Variants in NMNAT3 observed in about 807,000 individuals in gnomAD.
The protein encoded by NMNAT3 is nicotinamide nucleotide adenylyltransferase 3, also known as nicotinamide/nicotinic acid mononucleotide adenylyltransferase 3.
NMNAT3 carries 21 observed loss-of-function variants against 24.8 expected under a neutral mutation model. That is an observed-to-expected ratio of 0.85 (90% CI 0.60 to 1.22). The LOEUF (loss-of-function observed/expected upper bound fraction) is 1.22, where lower values mean the gene tolerates loss of function less well. Among genes scored for constraint, NMNAT3 ranks in the 50% most tolerant of loss-of-function variants. The pLI is 0.00. For synonymous variants in NMNAT3, 136 were observed against 155.2 expected (o/e 0.88, Z 0.92); for missense variants, 387 against 436.6 (o/e 0.89, Z 1.01).
At chr3:139,615,496 TACCCACCCACCG>T (rs771883075) in intron 3 of NMNAT3, among the ~76,000 whole-genome samples, 37 of 148,860 alleles carry the variant, frequency 2.5e-4, no homozygotes, top group Non-Finnish European at 6.0e-5. Context: ...TTTATCCATC[TACCCACCCACCG>T]ACCCACCCAC....
intron 3 of NMNAT3, among the ~76,000 whole-genome samples, chr3:139,601,212 C>T (rs1028210433): frequency 7.2e-5 from 11 of 152,178 alleles, no homozygotes; most frequent in Admixed American, 5.9e-4. Context: ...CCTCTATTAA[C>T]AAATAACTGA....
chr3:139,595,717 TCC>T (rs888840609), intron 3 of NMNAT3, among the ~76,000 whole-genome samples: 5 of 152,074 alleles, frequency 3.3e-5, no homozygotes, highest in Non-Finnish European at 5.9e-5. Flanking sequence ...GGGAAAGGAT[TCC>T]CTATTTAATA....
At chr3:139,576,260 A>AT in intron 5 of NMNAT3, 1 of 982,924 alleles carries the variant, frequency 1.0e-6, no homozygotes, top group Non-Finnish European at 1.2e-6. Context: ...GATTTTGATA[A>AT]TTTTCGGAAA....
chr3:139,623,249 C>T (rs1272038399), intron 3 of NMNAT3, among the ~76,000 whole-genome samples: 1 of 152,030 alleles, frequency 6.6e-6, no homozygotes, highest in East Asian at 1.9e-4. Context: ...AATTAAGATA[C>T]AAACACACAG....
At chr3:139,632,194 G>A (rs1280144394) in intron 2 of NMNAT3, among the ~76,000 whole-genome samples, 2 of 152,096 alleles carry the variant, frequency 1.3e-5, no homozygotes, top group Non-Finnish European at 2.9e-5. Context: ...TTTGTCAGAT[G>A]TCTACCTCCT....
At position 139,583,012 on chromosome 3, in the gene NMNAT3, G is replaced by C; in HGVS notation, c.306C>G (p.Cys102Trp). Residue 102 changes from cysteine to tryptophan, a missense_variant, in exon 4 of 7, where the codon TGC becomes TGG. Cys to Trp is a radical substitution (Grantham distance 215, BLOSUM62 -2). This residue lies in a region of NMNAT3 where 323 missense variants were observed against 345.2 expected (regional missense o/e 0.94). Transcript: ENST00000643695. ...TAATTTTTTTCAGTGTTGTGCCTTT[G>C]CACTTGCTGTCATTCAAATCACAGA... 2.5e-6 allele frequency: 4 copies of C among 1,605,442 alleles called. No individual in the cohort carries two copies. Among genetic ancestry groups the C allele is most frequent in the Non-Finnish European group, 3.4e-6 (4 of 1,175,806 alleles).
chr3:139,596,916 G>GTGTATATATATATA (rs1393197797), intron 3 of NMNAT3, among the ~76,000 whole-genome samples: 69 of 97,048 alleles, frequency 7.1e-4, no homozygotes, highest in Middle Eastern at 7.1e-3. Flanking sequence ...TGTCATGTGT[G>GTGTATATATATATA]TATATATATA....
At position 139,561,386 on chromosome 3, in the gene NMNAT3, G is replaced by A. The variant is rs35755655; in HGVS notation, c.665C>T (p.Pro222Leu). Residue 222 changes from proline (P) to leucine (L), a missense_variant, in exon 7 of 7, where the codon CCT becomes CTT. Physicochemically the swap from Pro to Leu is moderately conservative, Grantham distance 98. Coordinates refer to ENST00000643695, the MANE Select transcript of NMNAT3 (RefSeq NM_001320510.2). ...TGCCCCACAGAGAAGCTTCAGCTCAGGCACAGCTGCAAAAACAAGGATGGA... is the reference window on the plus strand; with the variant it reads ...TGCCCCACAGAGAAGCTTCAGCTCAAGCACAGCTGCAAAAACAAGGATGGA... 2.5e-6 allele frequency: 4 copies of A among 1,611,404 alleles called. No individual in the cohort carries two copies. In the African/African-American group the frequency reaches 5.3e-5, roughly 22 times the overall value.
At chr3:139,669,671 C>A (rs1180362083) in intron 1 of NMNAT3, among the ~76,000 whole-genome samples, 1 of 151,974 alleles carries the variant, frequency 6.6e-6, no homozygotes, top group Non-Finnish European at 1.5e-5. Context: ...ATCATAGCAC[C>A]TAAAGCCATA....
At chr3:139,639,949 T>A (rs1189964270) in intron 1 of NMNAT3, among the ~76,000 whole-genome samples, 2 of 152,106 alleles carry the variant, frequency 1.3e-5, no homozygotes, top group African/African-American at 2.4e-5. Flanking sequence ...TCCTTCCATA[T>A]ATAATACAAT....
chr3:139,587,155 G>C (rs1424766488), intron 3 of NMNAT3, among the ~76,000 whole-genome samples: 1 of 152,238 alleles, frequency 6.6e-6, no homozygotes, highest in East Asian at 1.9e-4. Context: ...ATAGCAGAGA[G>C]AGCTTCAGAA....
intron 1 of NMNAT3, among the ~76,000 whole-genome samples, chr3:139,645,215 A>G (rs28629358): frequency 6.6e-6 from 1 of 152,156 alleles, no homozygotes; most frequent in African/African-American, 2.4e-5. Context: ...AAAGAAAAAA[A>G]GAAAAATACA....
chr3:139,631,960 GT>G (rs535567675), intron 2 of NMNAT3, among the ~76,000 whole-genome samples: 1 of 151,828 alleles, frequency 6.6e-6, no homozygotes, highest in Admixed American at 6.6e-5. Context: ...TTTTTTATTT[GT>G]TTTTTTAAGA....
intron 3 of NMNAT3, among the ~76,000 whole-genome samples, chr3:139,619,321 C>T (rs545507139): frequency 6.6e-6 from 1 of 152,104 alleles, no homozygotes; most frequent in Non-Finnish European, 1.5e-5. Context: ...CAAGTACTTT[C>T]CAGGGAGGGA....
chr3:139,654,070 T>G (rs2057153282), intron 1 of NMNAT3, among the ~76,000 whole-genome samples: 3 of 152,298 alleles, frequency 2.0e-5, no homozygotes, highest in South Asian at 4.1e-4. Context: ...AAAACCATCA[T>G]GCTCACTATG....
At chr3:139,599,356 C>T (rs2054610689) in intron 3 of NMNAT3, 1 of 702,424 alleles carries the variant, frequency 1.4e-6, no homozygotes. Flanking sequence ...TCTGTGGGCA[C>T]AAGCACAGTC....
At chr3:139,591,744 C>T (rs997597642) in intron 3 of NMNAT3, among the ~76,000 whole-genome samples, 1 of 152,182 alleles carries the variant, frequency 6.6e-6, no homozygotes, top group Non-Finnish European at 1.5e-5. Flanking sequence ...TCCAACAGAC[C>T]TGCAGCTGAG....
chr3:139,637,749 C>G (rs542315301), intron 2 of NMNAT3: 1 of 152,202 alleles, frequency 6.6e-6, no homozygotes, highest in Non-Finnish European at 1.5e-5. Context: ...CATGCCAACT[C>G]TCCTGTAGAG....
intron 3 of NMNAT3, chr3:139,583,490 G>A (rs1168981942): frequency 1.6e-5 from 25 of 1,595,678 alleles, no homozygotes; most frequent in Non-Finnish European, 2.1e-5. Context: ...GTTTTGAAGG[G>A]GATCTTCTGA....
Sources: allele counts gnomAD v4.1 joint callset (sites outside exome capture counted in the v4.1 genomes callset), GRCh38; gene constraint gnomAD v4.1.1; regional missense constraint gnomAD v4.1.1; transcripts MANE v1.5; gene names NCBI Gene and HGNC (gene_info 2026-07-23, HGNC 2026-07-21).